TRPM4: variants seen among roughly 807,000 people sequenced by gnomAD.
TRPM4 encodes the protein calcium-activated non-selective cation channel 1.
TRPM4 carries 124 observed loss-of-function variants against 135.6 expected under a neutral mutation model. The ratio of observed to expected loss-of-function variants is 0.91; its 90% CI spans 0.79 to 1.06. TRPM4 has a LOEUF of 1.06. Ranked by LOEUF, TRPM4 falls within the 50% of genes least tolerant of loss-of-function variation. TRPM4 has a pLI of 0.00. For missense variants in TRPM4, 1,658 were observed against 1,671.4 expected (o/e 0.99, Z 0.14); for synonymous variants, 745 against 705.6 (o/e 1.06, Z -0.88).
At chr19:49,192,299 C>G (rs566249137) in intron 16 of TRPM4, among the ~76,000 whole-genome samples, 3 of 152,114 alleles carry the variant, frequency 2.0e-5, no homozygotes, top group Non-Finnish European at 4.4e-5. Flanking sequence ...CCTGCCACCA[C>G]GCCCAGCTAA....
chr19:49,190,431 T>C, intron 15 of TRPM4, 111 bp downstream of exon 15: 1 of 1,019,242 alleles, frequency 9.8e-7, no homozygotes, highest in Non-Finnish European at 1.5e-6. Flanking sequence ...GTCCCTTCCC[T>C]AGGAATGGGA....
Position 49,171,227 on chromosome 19 carries a change from T to A in TRPM4, c.797-130T>A. The stretch of plus-strand genomic sequence containing the variant: ...AATTAAGTAAAAAAAGAAATGACAA[T>A]TCCAATGAGCCTCTGAACAGAAGAT... On this transcript the variant is annotated intron_variant, in intron 6 of 24. Coordinates refer to ENST00000252826, the MANE Select transcript of TRPM4 (RefSeq NM_017636.4). The surrounding 1 kb of genome is among the most constrained non-coding windows in gnomAD (Gnocchi z 4.7). 1.0e-6 allele frequency: 1 copy of A among 976,868 alleles called. No individual in the cohort carries two copies. Among genetic ancestry groups the A allele is most frequent in the Non-Finnish European group, 1.6e-6 (1 of 616,046 alleles). 60.5% of individuals were successfully genotyped at this position (976,868 alleles called of 1,614,324 possible).
intron 10 of TRPM4, 131 bp from the exon 11 acceptor site, chr19:49,182,447 T>TCCAC (rs1377879417): frequency 5.7e-6 from 4 of 705,022 alleles, no homozygotes; most frequent in South Asian, 1.6e-5. Context: ...CATCCATCCA[T>TCCAC]CCACCCATCC....
chr19:49,211,632 C>A lies in TRPM4; in HGVS notation c.*134C>A. 2 of 1,140,466 alleles carry A rather than the reference C, an allele frequency of 1.8e-6. No homozygotes were observed. Among genetic ancestry groups the A allele is most frequent in the Non-Finnish European group, 2.6e-6 (2 of 758,514 alleles). The allele number at this position is 1,140,466 out of a possible 1,614,324, so 70.6% of individuals were successfully genotyped here. On this transcript the variant is annotated 3_prime_UTR_variant, in exon 25 of 25. Transcript: ENST00000252826. This position sits in a 1 kb window ranked among gnomAD's most constrained non-coding sequence, Gnocchi z 4.8. Reference sequence around the variant, plus strand: ...GCCCCATGTCCATCTGGGCCACTGTCAGGACCACCTTTGGGAGTGTCATCC... The same window carrying A: ...GCCCCATGTCCATCTGGGCCACTGTAAGGACCACCTTTGGGAGTGTCATCC...
At chr19:49,181,810 G>T (rs955236948) in intron 10 of TRPM4, among the ~76,000 whole-genome samples, 1 of 151,934 alleles carries the variant, frequency 6.6e-6, no homozygotes, top group Admixed American at 6.6e-5. Flanking sequence ...GGGGTTACAG[G>T]CATGAGCCAC....
At position 49,201,962 on chromosome 19, in the gene TRPM4, A is replaced by G. The variant is rs1474357900; in HGVS notation, c.2954-2A>G. On this transcript the variant is annotated splice_acceptor_variant, in intron 19 of 24. Transcript: ENST00000252826. LOFTEE classifies it high-confidence loss of function. Reference sequence around the variant, plus strand: ...CCCATCTCTGAATGTCTCTCTTCACAGTGGCCCTCATGGAGCACAGCAACT... The same window carrying G: ...CCCATCTCTGAATGTCTCTCTTCACGGTGGCCCTCATGGAGCACAGCAACT... 1.9e-6 allele frequency: 3 copies of G among 1,613,446 alleles called. No individual in the cohort carries two copies. Among genetic ancestry groups the G allele is most frequent in the Non-Finnish European group, 2.5e-6 (3 of 1,179,998 alleles).
intron 4 of TRPM4, 22 bp downstream of exon 4, chr19:49,168,119 C>T: frequency 6.3e-7 from 1 of 1,595,132 alleles, no homozygotes. Context: ...TGGGTGGGGG[C>T]TGTCTCCTGG....
chr19:49,178,993 C>T (rs906700575), intron 9 of TRPM4, among the ~76,000 whole-genome samples: 1 of 151,848 alleles, frequency 6.6e-6, no homozygotes, highest in Admixed American at 6.6e-5. Context: ...CTCTTGACCT[C>T]ATGATCCACC....
chr19:49,163,143 T>C (rs114094610), intron 2 of TRPM4, among the ~76,000 whole-genome samples: 3,322 of 151,884 alleles, frequency 0.022, 110 homozygotes, highest in African/African-American at 0.074. Flanking sequence ...AGCTATCACA[T>C]TGGACAGTAC....
chr19:49,166,148 C>T lies in TRPM4; in HGVS notation c.200C>T (p.Thr67Ile), dbSNP rs773612234. 1 of 1,608,510 alleles carries T rather than the reference C, an allele frequency of 6.2e-7. No individual in the cohort carries two copies. Among genetic ancestry groups the T allele is most frequent in the Non-Finnish European group, 8.5e-7 (1 of 1,178,320 alleles). The change falls in exon 3 of 25, where the codon ACC becomes ATC. Residue 67 changes from threonine (T) to isoleucine (I), a missense_variant. Transcript: ENST00000252826. Reference sequence around the variant, plus strand: ...ACCGTGTGGGACAGCGATGCACACACCACGGAGAAGCCCACCGATGCCTAC... The same window carrying T: ...ACCGTGTGGGACAGCGATGCACACATCACGGAGAAGCCCACCGATGCCTAC... Reference protein sequence around the residue: ...VVTVWDSDAHTTEKPTDAYGE... With the variant: ...VVTVWDSDAHITEKPTDAYGE...
chr19:49,200,747 TGCAGATCTTCGG>T lies in TRPM4; in HGVS notation c.2922_2933del (p.Phe975_Ile978del). The T allele has an allele frequency of 6.2e-7, 1 of 1,614,130 alleles. No individual in the cohort carries two copies. The highest frequency in any genetic ancestry group is 8.5e-7 in the Non-Finnish European group (1 of 1,180,028). ...CGCCGCGTCTTCTACCGTCCCTACC[TGCAGATCTTCGG>T]GCAGATTCCCCAGGAGGACATGGAC... On this transcript the variant is annotated inframe_deletion, in exon 19 of 25. Transcript: ENST00000252826.
intron 20 of TRPM4, among the ~76,000 whole-genome samples, chr19:49,206,893 A>T (rs918625004): frequency 6.6e-6 from 1 of 152,156 alleles, no homozygotes; most frequent in African/African-American, 2.4e-5. Flanking sequence ...CTTTATTCCT[A>T]GGTGCTTAAC....
Position 49,210,513 on chromosome 19 carries a change from C to T in TRPM4, c.3328+108C>T. 1 of 1,466,676 alleles carries T rather than the reference C, an allele frequency of 6.8e-7. No homozygotes were observed. Among genetic ancestry groups the T allele is most frequent in the Non-Finnish European group, 9.3e-7 (1 of 1,071,704 alleles). 90.9% of individuals were successfully genotyped at this position (1,466,676 alleles called of 1,614,324 possible). On this transcript the variant is annotated intron_variant, in intron 21 of 24. Coordinates refer to ENST00000252826, the MANE Select transcript of TRPM4 (RefSeq NM_017636.4). This position sits in a 1 kb window ranked among gnomAD's most constrained non-coding sequence, Gnocchi z 4.1. ...TGACTAACGGGCGTGGCTTAGGTAGCGAGGGGCGGGGTTTAAGCAACAAGG... is the reference window on the plus strand; with the variant it reads ...TGACTAACGGGCGTGGCTTAGGTAGTGAGGGGCGGGGTTTAAGCAACAAGG...
intron 10 of TRPM4, among the ~76,000 whole-genome samples, chr19:49,182,266 A>G (rs1967986387): frequency 1.4e-5 from 2 of 141,752 alleles, no homozygotes; most frequent in African/African-American, 5.4e-5. Context: ...CCATCCATTC[A>G]TCTGTCCATC....
chr19:49,187,209 A>G (rs1414140918), intron 12 of TRPM4, among the ~76,000 whole-genome samples: 3 of 139,982 alleles, frequency 2.1e-5, no homozygotes, highest in Admixed American at 2.1e-4. Context: ...TTTTTTTTTT[A>G]TAAGTTTTCG....
chr19:49,162,461 C>A (rs1026733759), intron 2 of TRPM4, among the ~76,000 whole-genome samples: 38 of 152,012 alleles, frequency 2.5e-4, no homozygotes, highest in African/African-American at 9.2e-4. Flanking sequence ...GTCGCTTGAG[C>A]CCAGGTGGCA....
At chr19:49,173,251 T>C (rs1046546055) in intron 9 of TRPM4, among the ~76,000 whole-genome samples, 4 of 151,372 alleles carry the variant, frequency 2.6e-5, no homozygotes, top group African/African-American at 9.7e-5. Flanking sequence ...CCTCCATCCA[T>C]CCATCTTCTC....
chr19:49,168,823 G>A, intron 6 of TRPM4, 87 bp downstream of exon 6: 2 of 1,387,536 alleles, frequency 1.4e-6, no homozygotes, highest in Non-Finnish European at 2.0e-6. Flanking sequence ...GTCTGGTCGA[G>A]ATTTGGGGAA....
At chr19:49,188,583 G>A in intron 12 of TRPM4, 58 bp from the exon 13 acceptor site, 1 of 1,613,402 alleles carries the variant, frequency 6.2e-7, no homozygotes, top group East Asian at 2.2e-5. Flanking sequence ...TTGACTTCAG[G>A]CTTCCTCCCC....
Sources: allele counts gnomAD v4.1 joint callset (sites outside exome capture counted in the v4.1 genomes callset), GRCh38; gene constraint gnomAD v4.1.1; non-coding constraint Gnocchi (gnomAD v3.1); transcripts MANE v1.5; gene names NCBI Gene and HGNC (gene_info 2026-07-23, HGNC 2026-07-21).